The following MYOM2 variants were observed in gnomAD, a reference collection of about 807,000 sequenced individuals.
The protein encoded by MYOM2 is myomesin-2.
Under a neutral mutation model 187.6 loss-of-function variants are expected in MYOM2, and 254 were observed. That is an observed-to-expected ratio of 1.35 (90% confidence interval 1.22 to 1.50). The LOEUF (loss-of-function observed/expected upper bound fraction) is 1.50, where lower values mean the gene tolerates loss of function less well. Among genes scored for constraint, MYOM2 ranks in the 40% most tolerant of loss-of-function variants. MYOM2 has a pLI of 0.00. For missense variants in MYOM2, 2,796 were observed against 1,924.0 expected, an observed-to-expected ratio of 1.45 and a Z score of -8.48; for synonymous variants, 981 against 753.8, an observed-to-expected ratio of 1.30 and a Z score of -4.94.
intron 36 of MYOM2, among the ~76,000 whole-genome samples, 193 bp from the exon 37 acceptor site, chr8:2,144,471 T>C (rs79255035): frequency 0.019 from 2,912 of 152,296 alleles, 88 homozygotes; most frequent in African/African-American, 0.067. Context: ...TGTGAAGTGG[T>C]GAACCTGTTC....
chr8:2,085,407 T>C lies in MYOM2; in HGVS notation c.1644+17T>C. On this transcript the variant is annotated intron_variant, in intron 14 of 36. Coordinates refer to ENST00000262113, the MANE Select transcript of MYOM2 (RefSeq NM_003970.4). The stretch of plus-strand genomic sequence containing the variant: ...ATTGAGAAGGTAAACTCCGGGCCCG[T>C]GTCCTGGAAAAGTAGATCTCTGCAT... The C allele has an allele frequency of 6.3e-7, 1 of 1,593,116 alleles. No homozygotes were observed. The highest frequency in any genetic ancestry group is 8.5e-7 in the Non-Finnish European group (1 of 1,170,028).
chr8:2,108,300 T>A (rs1023446172), intron 23 of MYOM2, among the ~76,000 whole-genome samples: 2 of 150,532 alleles, frequency 1.3e-5, no homozygotes, highest in Non-Finnish European at 3.0e-5. Flanking sequence ...TTTTTTTTTT[T>A]AAATTCATGG....
chr8:2,119,051 T>C (rs907319557), intron 28 of MYOM2: 1 of 152,312 alleles, frequency 6.6e-6, no homozygotes, highest in Non-Finnish European at 1.5e-5. Flanking sequence ...GGCCAAGTTT[T>C]AGGGTTTTGA....
intron 31 of MYOM2, 45 bp downstream of exon 31, chr8:2,124,262 A>C (rs765617630): frequency 4.5e-6 from 7 of 1,569,398 alleles, no homozygotes; most frequent in Non-Finnish European, 6.1e-6. Context: ...GGGTGCTGAA[A>C]TCACTATTTC....
chr8:2,067,639 C>G lies in MYOM2; in HGVS notation c.654-1639C>G, dbSNP rs188855198. ...TGGGGAAGCTGGTGGGAAGACAGTTCACAGCCAAGAAGAGAAGTTTTAGCT... is the reference window on the plus strand; with the variant it reads ...TGGGGAAGCTGGTGGGAAGACAGTTGACAGCCAAGAAGAGAAGTTTTAGCT... On this transcript the variant is annotated intron_variant, in intron 6 of 36. Transcript: ENST00000262113. Among the ~76,000 whole-genome samples the G allele has an allele frequency of 2.1e-3, 326 of 152,292 alleles. 1 individual carries two copies. The highest frequency in any genetic ancestry group is 5.9e-3 in the African/African-American group (247 of 41,558).
chr8:2,087,901 CT>C (rs889099592), intron 14 of MYOM2, among the ~76,000 whole-genome samples: 3 of 152,140 alleles, frequency 2.0e-5, no homozygotes, highest in Non-Finnish European at 4.4e-5. Flanking sequence ...ATTACAGACA[CT>C]TTAGTGTGTT....
At chr8:2,061,848 TG>T (rs1221272153) in intron 6 of MYOM2, among the ~76,000 whole-genome samples, 2 of 152,220 alleles carry the variant, frequency 1.3e-5, no homozygotes, top group Non-Finnish European at 2.9e-5. Flanking sequence ...GCTGTGTGCC[TG>T]GTGCTATCCT....
chr8:2,059,098 A>G, intron 5 of MYOM2, 55 bp from the exon 6 acceptor site: 1 of 1,495,038 alleles, frequency 6.7e-7, no homozygotes, highest in Non-Finnish European at 9.3e-7. Context: ...GCAGAATTGC[A>G]CACACACAAA....
In MYOM2 at chr8:2,092,359, T is replaced by C; in HGVS notation, c.1842T>C (p.Ala614=). 1 of 1,614,028 alleles carries C rather than the reference T, an allele frequency of 6.2e-7. No individual in the cohort carries two copies. The highest frequency in any genetic ancestry group is 8.5e-7 in the Non-Finnish European group (1 of 1,179,978). The change falls in exon 16 of 37, where the codon GCT becomes GCC. Residue 614 remains alanine (A), a synonymous_variant. Transcript: ENST00000262113. ...TCCTACGAAAAGTTGTCCCTTCTGC[T>C]CCGGGTCGGGTTCTTGCTTCCCGAA... is the stretch of plus-strand genomic sequence containing the variant. ...QAQDVTVVPS[A]PGRVLASRNT... is the part of the protein sequence containing the mutation.
At chr8:2,068,952 T>C (rs1175664679) in intron 6 of MYOM2, among the ~76,000 whole-genome samples, 7 of 152,134 alleles carry the variant, frequency 4.6e-5, no homozygotes, top group Admixed American at 3.9e-4. Context: ...GCGCATTCCA[T>C]AGAGGTAGAA....
intron 15 of MYOM2, among the ~76,000 whole-genome samples, chr8:2,091,525 T>A (rs1796302020): frequency 6.6e-6 from 1 of 152,208 alleles, no homozygotes; most frequent in Non-Finnish European, 1.5e-5. Context: ...GGCACATTGG[T>A]GTCAGGAACG....
At chr8:2,082,341 A>G (rs1293324817) in intron 13 of MYOM2, among the ~76,000 whole-genome samples, 2 of 152,222 alleles carry the variant, frequency 1.3e-5, no homozygotes, top group Non-Finnish European at 2.9e-5. Context: ...TCGGGATTCA[A>G]GAATTTGCTA....
intron 6 of MYOM2, among the ~76,000 whole-genome samples, chr8:2,063,761 T>C (rs1585837161): frequency 6.6e-6 from 1 of 152,314 alleles, no homozygotes; most frequent in East Asian, 1.9e-4. Context: ...TGGCTGCCCA[T>C]CTTTAAGACA....
chr8:2,078,415 T>A (rs1295042505), intron 11 of MYOM2, among the ~76,000 whole-genome samples: 2 of 152,198 alleles, frequency 1.3e-5, no homozygotes, highest in African/African-American at 4.8e-5. Flanking sequence ...TCAGGATGCG[T>A]CTAAAATAAT....
intron 25 of MYOM2, among the ~76,000 whole-genome samples, chr8:2,111,546 G>C (rs1349128506): frequency 6.6e-6 from 1 of 152,172 alleles, no homozygotes; most frequent in East Asian, 1.9e-4. Context: ...TACAAATAAG[G>C]ACAGTGCATT....
intron 11 of MYOM2, 97 bp from the exon 12 acceptor site, chr8:2,078,637 G>A: frequency 9.0e-7 from 1 of 1,114,378 alleles, no homozygotes. Flanking sequence ...ATATTGTCCT[G>A]TTATAATCAG....
At position 2,101,126 on chromosome 8, in the gene MYOM2, A is replaced by C. The variant is rs980952959; in HGVS notation, c.2619+72A>C. On this transcript the variant is annotated intron_variant, in intron 20 of 36. Transcript: ENST00000262113. Reference sequence around the variant, plus strand: ...TTTGGGAGGTAAAGGCGGGCCAATCACTTGAGGTCAGGAGTTCGAAACCAG... The same window carrying C: ...TTTGGGAGGTAAAGGCGGGCCAATCCCTTGAGGTCAGGAGTTCGAAACCAG... 4.6e-6 allele frequency: 7 copies of C among 1,509,814 alleles called. No homozygotes were observed. The African/African-American group carries it at 5.6e-5, about 12-fold the overall frequency. 93.5% of individuals were successfully genotyped at this position (1,509,814 alleles called of 1,614,324 possible).
chr8:2,098,503 C>G (rs1042913636), intron 18 of MYOM2, among the ~76,000 whole-genome samples: 1 of 152,160 alleles, frequency 6.6e-6, no homozygotes, highest in South Asian at 2.1e-4. Context: ...CCTGTTTCCT[C>G]GAAGCCTCCG....
chr8:2,069,162 A>C (rs1045616412), intron 6 of MYOM2, 116 bp from the exon 7 acceptor site: 2 of 963,646 alleles, frequency 2.1e-6, no homozygotes, highest in African/African-American at 3.3e-5. Context: ...CAAATCACTC[A>C]TGAACAAATA....
Sources: allele counts gnomAD v4.1 joint callset (sites outside exome capture counted in the v4.1 genomes callset), GRCh38; gene constraint gnomAD v4.1.1; transcripts MANE v1.5; gene names NCBI Gene and HGNC (gene_info 2026-07-23, HGNC 2026-07-21).